Variants in FER1L6 observed in about 807,000 individuals in gnomAD.
FER1L6 encodes fer-1-like protein 6.
Under a neutral mutation model 219.2 loss-of-function variants are expected in FER1L6, and 177 were observed. The ratio of observed to expected loss-of-function variants is 0.81; its 90% CI spans 0.71 to 0.91. FER1L6 has a LOEUF of 0.91. Ranked by LOEUF, FER1L6 falls within the 40% of genes least tolerant of loss-of-function variation. The probability of loss-of-function intolerance (pLI) is 0.00; values close to 1 mark genes in which losing one functional copy is unlikely to be tolerated. For synonymous variants in FER1L6, 768 were observed against 824.3 expected, an observed-to-expected ratio of 0.93 and a Z score of 1.17; for missense variants, 2,153 against 2,259.9, an observed-to-expected ratio of 0.95 and a Z score of 0.96.
At chr8:124,112,295 C>A (rs1823055165) in intron 39 of FER1L6, among the ~76,000 whole-genome samples, 1 of 152,288 alleles carries the variant, frequency 6.6e-6, no homozygotes, top group African/African-American at 2.4e-5. Context: ...TTTAAAGCTG[C>A]TTATCAGTGT....
At chr8:123,998,296 TG>T (rs1817229793) in intron 12 of FER1L6, among the ~76,000 whole-genome samples, 2 of 150,480 alleles carry the variant, frequency 1.3e-5, no homozygotes, top group Admixed American at 1.3e-4. Flanking sequence ...TTGGTGATCT[TG>T]GGTAAGATCC....
chr8:124,045,967 T>C (rs1192143840), intron 21 of FER1L6, 66 bp downstream of exon 21: 1 of 1,582,288 alleles, frequency 6.3e-7, no homozygotes, highest in African/African-American at 1.3e-5. Context: ...ACTCACTCAC[T>C]TTATTTTAAA....
Position 124,070,497 on chromosome 8 carries a change from A to G in FER1L6, c.3865A>G (p.Asn1289Asp). ...IYDGDLESEF[N>D]NFEDWVKTFE... ...TGACGGTGATCTCGAGAGTGAATTC[A>G]ACAATTTTGAAGACTGGGTGAAAAC... Residue 1289 changes from asparagine (N) to aspartate (D), a missense_variant, in exon 30 of 41, where the codon AAC becomes GAC. By Grantham distance (23) the Asn-to-Asp change is conservative. Transcript: ENST00000522917. 1.2e-6 allele frequency: 2 copies of G among 1,613,838 alleles called. No homozygotes were observed. Among genetic ancestry groups the G allele is most frequent in the Non-Finnish European group, 1.7e-6 (2 of 1,179,826 alleles).
intron 14 of FER1L6, 63 bp downstream of exon 14, chr8:124,010,777 A>T: frequency 1.3e-6 from 2 of 1,593,884 alleles, no homozygotes; most frequent in Non-Finnish European, 1.7e-6. Flanking sequence ...AGGGATTTTT[A>T]AAATCCACCT....
intron 39 of FER1L6, among the ~76,000 whole-genome samples, chr8:124,112,014 T>C (rs1043501273): frequency 2.0e-5 from 3 of 152,154 alleles, no homozygotes; most frequent in African/African-American, 7.2e-5. Context: ...TTTCTCCTAA[T>C]AGGGTAGCAA....
intron 19 of FER1L6, among the ~76,000 whole-genome samples, chr8:124,039,402 C>A (rs1258129268): frequency 6.6e-6 from 1 of 152,138 alleles, no homozygotes; most frequent in Non-Finnish European, 1.5e-5. Context: ...GGCACACACC[C>A]ACACATGCCC....
At chr8:123,918,889 G>C (rs192989082) in intron 1 of FER1L6, among the ~76,000 whole-genome samples, 56 of 152,248 alleles carry the variant, frequency 3.7e-4, no homozygotes, top group African/African-American at 1.2e-3. Context: ...GTGCCCCTCA[G>C]GGTCAGGCGT....
chr8:124,051,407 C>T lies in FER1L6; in HGVS notation c.2874+1651C>T, dbSNP rs775023193. Among the ~76,000 whole-genome samples the T allele has an allele frequency of 4.6e-5, 7 of 152,284 alleles. No homozygotes were observed. The South Asian group carries it at 1.5e-3, about 32-fold the overall frequency. ...GGGGAGAAATCTCTGATACAGGCCC[C>T]TCAACCTCATAGTAGAAATCTCAGT... On this transcript the variant is annotated intron_variant, in intron 22 of 40. Coordinates refer to ENST00000522917, the MANE Select transcript of FER1L6 (RefSeq NM_001039112.2).
rs1295789915 is a variant in FER1L6 at position 124,017,720 on chromosome 8, T to G, written c.2013+2T>G. The G allele has an allele frequency of 6.2e-7, 1 of 1,611,452 alleles. No individual in the cohort carries two copies. The highest frequency in any genetic ancestry group is 1.1e-5 in the South Asian group (1 of 90,904). ...CTTACGCTCTGCTGGCAGGAGCTGG[T>G]ATGTGAAAATCTATTTATACTTTGT... is the stretch of plus-strand genomic sequence containing the variant. On this transcript the variant is annotated splice_donor_variant, in intron 16 of 40. Coordinates refer to ENST00000522917, the MANE Select transcript of FER1L6 (RefSeq NM_001039112.2). LOFTEE classifies it high-confidence loss of function.
In FER1L6 at chr8:124,097,837, G is replaced by A. The variant is rs550283836; in HGVS notation, c.4837G>A (p.Glu1613Lys). 311 of 1,608,150 alleles carry A rather than the reference G, an allele frequency of 1.9e-4. 4 individuals carry two copies. In the South Asian group the frequency reaches 3.2e-3, roughly 17 times the overall value. ...WNTEDVILEDENIFTGQKSSD... is the reference protein window; with the variant it reads ...WNTEDVILEDKNIFTGQKSSD... ...CACTGAAGATGTCATTTTAGAGGAT[G>A]AGAATATCTTCACAGGCCAAAAATC... Residue 1613 changes from glutamate to lysine, a missense_variant, in exon 37 of 41, where the codon GAG becomes AAG. By Grantham distance (56) the Glu-to-Lys change is moderately conservative (BLOSUM62 1). Transcript: ENST00000522917.
intron 34 of FER1L6, among the ~76,000 whole-genome samples, chr8:124,093,012 C>T (rs536168749): frequency 6.6e-4 from 100 of 152,032 alleles, no homozygotes; most frequent in African/African-American, 2.1e-3. Context: ...TTAGTAGAGT[C>T]GGGGTTTCAC....
intron 19 of FER1L6, 132 bp from the exon 20 acceptor site, chr8:124,039,750 G>A: frequency 9.0e-7 from 1 of 1,113,020 alleles, no homozygotes; most frequent in South Asian, 1.5e-5. Flanking sequence ...TCAGAGGAGG[G>A]TGGATGTGGC....
chr8:123,898,827 A>ATATATACATACATATGTG (rs1282960824), intron 1 of FER1L6, among the ~76,000 whole-genome samples: 43 of 135,162 alleles, frequency 3.2e-4, no homozygotes, highest in Non-Finnish European at 4.7e-4. Context: ...ATATGTGTAT[A>ATATATACATACATATGTG]TATATATATA....
rs74764681 is a variant in FER1L6, at chr8:123,977,590, C to T, written c.1044C>T (p.Asn348=). ...THFIDLKKIS[N]EQDGDKGFLP... Reference sequence around the variant, plus strand: ...TCATTGACCTGAAGAAAATCTCCAACGAACAGGATGGAGACAAAGGTAAAG... The same window carrying T: ...TCATTGACCTGAAGAAAATCTCCAATGAACAGGATGGAGACAAAGGTAAAG... The change falls in exon 10 of 41, where the codon AAC becomes AAT. Residue 348 remains asparagine, a synonymous_variant. Transcript: ENST00000522917. The T allele has an allele frequency of 1.3e-3, 2,109 of 1,614,002 alleles. 44 individuals are homozygous for T. In the East Asian group the frequency reaches 0.035, roughly 27 times the overall value.
In FER1L6 at chr8:124,015,607, A is replaced by ATATGTATG. The variant is rs1554632086; in HGVS notation, c.1923-2018_1923-2017insGTATGTAT. Among the ~76,000 whole-genome samples the ATATGTATG allele has an allele frequency of 8.2e-3, 728 of 88,574 alleles. 33 individuals carry two copies. Among genetic ancestry groups the ATATGTATG allele is most frequent in the African/African-American group, 0.03 (694 of 23,236 alleles). The allele number at this position is 88,574 out of a possible 152,430, so 58.1% of individuals were successfully genotyped here. A position where few individuals can be genotyped will look rare whatever the true frequency, so the allele number is the denominator to read the frequency against. ...TATATATATATATATATATATATAT[A>ATATGTATG]TATATATATTACTCCTGCTGTGAGC... On this transcript the variant is annotated intron_variant, in intron 15 of 40. Coordinates refer to ENST00000522917, the MANE Select transcript of FER1L6 (RefSeq NM_001039112.2).
At chr8:124,062,146 A>C in intron 25 of FER1L6, 114 bp downstream of exon 25, 3 of 1,104,304 alleles carry the variant, frequency 2.7e-6, no homozygotes, top group South Asian at 3.0e-5. Context: ...GGCTGGGTGG[A>C]TCTTTCTGAT....
chr8:123,913,256 G>A (rs987895835), intron 1 of FER1L6, among the ~76,000 whole-genome samples: 1 of 80,350 alleles, frequency 1.2e-5, no homozygotes, highest in Non-Finnish European at 2.5e-5. Context: ...TACAAATGGG[G>A]TTAGTTCCAT....
At position 123,938,545 on chromosome 8, in the gene FER1L6, T is replaced by A. The variant is rs1010141653; in HGVS notation, c.-7-17447T>A. Among the ~76,000 whole-genome samples the A allele has an allele frequency of 1.5e-4, 12 of 80,680 alleles. No individual in the cohort carries two copies. In the South Asian group the frequency reaches 2.9e-3, roughly 19 times the overall value. The allele number at this position is 80,680 out of a possible 152,430, so 52.9% of individuals were successfully genotyped here. Reference sequence around the variant, plus strand: ...AGCTTATACAATTTACCTGAAATTTTTTTTTTTTTTTTTTTTTTTGAGACA... The same window carrying A: ...AGCTTATACAATTTACCTGAAATTTATTTTTTTTTTTTTTTTTTTGAGACA... On this transcript the variant is annotated intron_variant, in intron 1 of 40. Transcript: ENST00000522917.
intron 20 of FER1L6, among the ~76,000 whole-genome samples, chr8:124,045,174 T>C (rs1819672519): frequency 6.6e-6 from 1 of 152,242 alleles, no homozygotes; most frequent in Admixed American, 6.5e-5. Context: ...AAGAATCATG[T>C]AATCTCCCCA....
Sources: gnomAD v4.1 joint callset for allele counts (sites outside exome capture counted in the v4.1 genomes callset) on GRCh38, gnomAD v4.1.1 for gene constraint, MANE v1.5 for transcripts, NCBI Gene and HGNC (gene_info 2026-07-23, HGNC 2026-07-21) for gene names.